Variants in SNAP25 observed in about 807,000 individuals in gnomAD.
SNAP25 encodes synaptosomal-associated protein 25.
A neutral mutation model predicts 28.7 loss-of-function variants in SNAP25; 3 were observed. The observed-to-expected ratio is 0.10, with a 90% confidence interval of 0.05 to 0.27. The LOEUF is 0.27. Among genes scored for constraint, SNAP25 ranks in the 10% least tolerant of loss-of-function variants. SNAP25 has a pLI of 1.00. For missense variants in SNAP25, 117 were observed against 278.7 expected, an observed-to-expected ratio of 0.42 and a Z score of 4.13; for synonymous variants, 61 against 88.1, an observed-to-expected ratio of 0.69 and a Z score of 1.72.
At chr20:10,292,070 C>T (rs1224521389) in intron 4 of SNAP25, among the ~76,000 whole-genome samples, 2 of 152,160 alleles carry the variant, frequency 1.3e-5, no homozygotes, top group East Asian at 3.9e-4. Flanking sequence ...ACCATATTGT[C>T]CTATGTTCCA....
chr20:10,302,149 C>T (rs907066494), intron 7 of SNAP25, among the ~76,000 whole-genome samples: 5 of 151,934 alleles, frequency 3.3e-5, no homozygotes, highest in African/African-American at 1.2e-4. Flanking sequence ...TTCCTTGAGC[C>T]CAGGAGTTCC....
At chr20:10,281,592 TGAGACACACAGGTATAAACGGCA>T (rs2063778655) in intron 3 of SNAP25, among the ~76,000 whole-genome samples, 1 of 152,222 alleles carries the variant, frequency 6.6e-6, no homozygotes, top group Admixed American at 6.5e-5. Flanking sequence ...GTAGCTTGCT[TGAGACACACAGGTATAAACGGCA>T]GAGATGAAGT....
At chr20:10,227,258 C>G (rs1791894607) in intron 1 of SNAP25, among the ~76,000 whole-genome samples, 1 of 152,108 alleles carries the variant, frequency 6.6e-6, no homozygotes, top group Admixed American at 6.6e-5. Flanking sequence ...TTTGTAGTTA[C>G]CTACTTATGT....
At chr20:10,278,612 T>G (rs1017233350) in intron 3 of SNAP25, among the ~76,000 whole-genome samples, 11 of 152,188 alleles carry the variant, frequency 7.2e-5, no homozygotes, top group African/African-American at 2.4e-4. Context: ...TATCAGTATA[T>G]AAATTCATGT....
intron 7 of SNAP25, among the ~76,000 whole-genome samples, 156 bp downstream of exon 7, chr20:10,299,568 G>A (rs922498462): frequency 3.9e-5 from 6 of 152,158 alleles, no homozygotes; most frequent in Non-Finnish European, 8.8e-5. Context: ...GAAAAATATA[G>A]GACTCAGCAA....
chr20:10,304,874 G>A (rs559099985), intron 7 of SNAP25, among the ~76,000 whole-genome samples: 2 of 152,176 alleles, frequency 1.3e-5, no homozygotes, highest in East Asian at 3.9e-4. Flanking sequence ...CATTTTAAAC[G>A]GATGCTCACA....
At chr20:10,244,447 A>C (rs2063091174) in intron 1 of SNAP25, among the ~76,000 whole-genome samples, 1 of 152,222 alleles carries the variant, frequency 6.6e-6, no homozygotes, top group Non-Finnish European at 1.5e-5. Context: ...AAAGAATTCA[A>C]GGTAGGAACT....
chr20:10,271,013 C>T (rs1217540645), intron 1 of SNAP25, among the ~76,000 whole-genome samples: 2 of 152,174 alleles, frequency 1.3e-5, no homozygotes, highest in Admixed American at 1.3e-4. Flanking sequence ...CTGTTAGGCT[C>T]TTAATAGACT....
At chr20:10,297,844 A>G (rs2064147106) in intron 6 of SNAP25, among the ~76,000 whole-genome samples, 1 of 152,238 alleles carries the variant, frequency 6.6e-6, no homozygotes, top group Non-Finnish European at 1.5e-5. Context: ...CACAGAGCAA[A>G]GAAGGTCCAA....
chr20:10,299,495 C>A, intron 7 of SNAP25, 83 bp downstream of exon 7: 2 of 1,383,498 alleles, frequency 1.4e-6, no homozygotes, highest in Non-Finnish European at 9.7e-7. Flanking sequence ...ATAACAAGAT[C>A]CTCAAAACAC....
intron 1 of SNAP25, among the ~76,000 whole-genome samples, chr20:10,247,104 C>G (rs144866801): frequency 6.6e-6 from 1 of 152,134 alleles, no homozygotes; most frequent in East Asian, 1.9e-4. Context: ...AGTTAAGATC[C>G]ATGTGACCCA....
intron 2 of SNAP25, among the ~76,000 whole-genome samples, chr20:10,276,554 G>A (rs181914359): frequency 2.5e-4 from 38 of 152,238 alleles, no homozygotes; most frequent in Non-Finnish European, 4.7e-4. Flanking sequence ...TCACAAATGA[G>A]TACAATTCCA....
intron 1 of SNAP25, among the ~76,000 whole-genome samples, chr20:10,262,685 G>A (rs2063435435): frequency 6.6e-6 from 1 of 152,160 alleles, no homozygotes; most frequent in South Asian, 2.1e-4. Context: ...ATTTATTAAG[G>A]CAGTGCTCGC....
At chr20:10,224,116 T>C (rs1247182739) in intron 1 of SNAP25, among the ~76,000 whole-genome samples, 2 of 152,084 alleles carry the variant, frequency 1.3e-5, no homozygotes, top group African/African-American at 2.4e-5. Context: ...CAAGGGTAAG[T>C]AACTTGTCGC....
At chr20:10,234,084 G>A (rs190458311) in intron 1 of SNAP25, among the ~76,000 whole-genome samples, 3 of 152,260 alleles carry the variant, frequency 2.0e-5, no homozygotes, top group Admixed American at 1.3e-4. Flanking sequence ...ATAGACTTAA[G>A]TTTTTTCAGG....
chr20:10,270,529 T>A (rs916208436), intron 1 of SNAP25, among the ~76,000 whole-genome samples: 2 of 151,964 alleles, frequency 1.3e-5, no homozygotes, highest in Admixed American at 1.3e-4. Context: ...TGAAACCCTA[T>A]CTCTACTAAA....
intron 1 of SNAP25, among the ~76,000 whole-genome samples, chr20:10,260,721 ACAAAC>A (rs1383518829): frequency 3.4e-4 from 50 of 146,660 alleles, no homozygotes; most frequent in African/African-American, 1.2e-3. Flanking sequence ...ACACACACAC[ACAAAC>A]ACACACACAC....
chr20:10,219,785 G>A (rs1343602090), intron 1 of SNAP25: 2 of 152,136 alleles, frequency 1.3e-5, no homozygotes, highest in Admixed American at 1.3e-4. Flanking sequence ...CTGAGACCCC[G>A]GTCTTACGGA....
intron 3 of SNAP25, 54 bp from the exon 4 acceptor site, chr20:10,284,670 T>C: frequency 7.2e-7 from 1 of 1,390,356 alleles, no homozygotes; most frequent in Admixed American, 1.7e-5. Context: ...TTTCTCTTTC[T>C]CTCTTTTCTC....
Sources: allele counts gnomAD v4.1 joint callset (sites outside exome capture counted in the v4.1 genomes callset), GRCh38; gene constraint gnomAD v4.1.1; transcripts MANE v1.5; gene names NCBI Gene and HGNC (gene_info 2026-07-23, HGNC 2026-07-21).